The following ADAM12 variants were observed in gnomAD, a reference collection of about 807,000 sequenced individuals.
ADAM12 encodes the protein ADAM metallopeptidase domain 12.
In ADAM12, 70 loss-of-function variants were observed where a neutral mutation model predicts 106.4. The ratio of observed to expected loss-of-function variants is 0.66; its 90% CI spans 0.54 to 0.80. The LOEUF is 0.80. Ranked by LOEUF, ADAM12 falls within the 30% of genes least tolerant of loss-of-function variation. The pLI is 0.00. For synonymous variants in ADAM12, 420 were observed against 433.5 expected (o/e 0.97, Z 0.39); for missense variants, 1,010 against 1,171.9 (o/e 0.86, Z 2.02).
chr10:126,119,045 T>C (rs1027860171), intron 5 of ADAM12, among the ~76,000 whole-genome samples: 4 of 152,226 alleles, frequency 2.6e-5, no homozygotes, highest in African/African-American at 9.7e-5. Flanking sequence ...TACAAATTTA[T>C]ATTTTTTTAT....
chr10:126,051,588 TCCAG>T (rs199619555), intron 14 of ADAM12, among the ~76,000 whole-genome samples: 2,135 of 124,194 alleles, frequency 0.017, 41 homozygotes, highest in Admixed American at 0.023. Flanking sequence ...CATCCATCCA[TCCAG>T]CCAGCCAGCC....
intron 2 of ADAM12, among the ~76,000 whole-genome samples, chr10:126,311,091 A>AC (rs1564724969): frequency 6.3e-5 from 7 of 111,380 alleles, no homozygotes; most frequent in Non-Finnish European, 8.7e-5. Flanking sequence ...ACATACACAC[A>AC]AATACACACA....
At chr10:126,214,929 T>G (rs1957961344) in intron 3 of ADAM12, among the ~76,000 whole-genome samples, 1 of 152,114 alleles carries the variant, frequency 6.6e-6, no homozygotes, top group Non-Finnish European at 1.5e-5. Flanking sequence ...TCCCTTACCC[T>G]CACCTTGGTG....
chr10:126,025,704 G>A (rs1408569266), intron 21 of ADAM12, among the ~76,000 whole-genome samples: 2 of 152,082 alleles, frequency 1.3e-5, no homozygotes, highest in Non-Finnish European at 2.9e-5. Context: ...GAAGATCAAA[G>A]GTAGATAAGC....
At chr10:126,375,122 A>G (rs1455432645) in intron 1 of ADAM12, among the ~76,000 whole-genome samples, 1 of 152,170 alleles carries the variant, frequency 6.6e-6, no homozygotes, top group African/African-American at 2.4e-5. Flanking sequence ...ACTAACATTC[A>G]TGAAAAAGAA....
chr10:126,253,428 A>G (rs889004312), intron 3 of ADAM12, among the ~76,000 whole-genome samples: 3 of 152,218 alleles, frequency 2.0e-5, no homozygotes, highest in African/African-American at 7.2e-5. Flanking sequence ...CTCGCTTATC[A>G]TTCTCTTGTT....
intron 3 of ADAM12, among the ~76,000 whole-genome samples, chr10:126,251,497 GATGGATGGGATGA>G (rs143654881): frequency 1.8e-5 from 1 of 54,188 alleles, no homozygotes; most frequent in South Asian, 5.2e-4. Flanking sequence ...GAATCGATGC[GATGGATGGGATGA>G]ATGGATGGGA....
At chr10:126,252,986 C>G (rs936673762) in intron 3 of ADAM12, among the ~76,000 whole-genome samples, 1 of 152,172 alleles carries the variant, frequency 6.6e-6, no homozygotes, top group Non-Finnish European at 1.5e-5. Flanking sequence ...ATTTTTCAAC[C>G]ATGCTCTGAT....
At chr10:126,119,156 C>A (rs966126503) in intron 5 of ADAM12, among the ~76,000 whole-genome samples, 4 of 152,180 alleles carry the variant, frequency 2.6e-5, no homozygotes, top group Non-Finnish European at 5.9e-5. Context: ...GCCTCTGGAT[C>A]CTGTGTTCAG....
chr10:126,291,006 A>G (rs1237539912), intron 2 of ADAM12, among the ~76,000 whole-genome samples: 1 of 152,256 alleles, frequency 6.6e-6, no homozygotes, highest in East Asian at 1.9e-4. Flanking sequence ...TTATAAAAGC[A>G]CAGAGCATTG....
intron 3 of ADAM12, among the ~76,000 whole-genome samples, chr10:126,239,603 T>C (rs1204194553): frequency 3.9e-5 from 6 of 152,130 alleles, no homozygotes; most frequent in African/African-American, 7.2e-5. Flanking sequence ...TTTATTTAGG[T>C]CGTTATTTCC....
intron 5 of ADAM12, among the ~76,000 whole-genome samples, chr10:126,123,223 A>T (rs113243693): frequency 3.9e-5 from 6 of 152,336 alleles, no homozygotes; most frequent in African/African-American, 1.4e-4. Flanking sequence ...GGTTTCTGAG[A>T]TACATTTTGA....
Position 126,122,036 on chromosome 10 carries a change from C to T in ADAM12, c.417-3812G>A, listed in dbSNP as rs963738843. ...ATAGACAAGGCAGCATCGAGATATCCGGGACAATTAGAAATCCTGTGAGAG... is the reference window on the plus strand; with the variant it reads ...ATAGACAAGGCAGCATCGAGATATCTGGGACAATTAGAAATCCTGTGAGAG... On this transcript the variant is annotated intron_variant, in intron 5 of 22. Coordinates refer to ENST00000448723, the MANE Select transcript of ADAM12 (RefSeq NM_001288973.2). Among the ~76,000 whole-genome samples the T allele has an allele frequency of 1.2e-4, 19 of 152,166 alleles. 1 individual carries two copies. Among genetic ancestry groups the T allele is most frequent in the East Asian group, 9.7e-4 (5 of 5,180 alleles).
At chr10:126,188,152 AG>A (rs1957432964) in intron 3 of ADAM12, among the ~76,000 whole-genome samples, 1 of 152,184 alleles carries the variant, frequency 6.6e-6, no homozygotes, top group Non-Finnish European at 1.5e-5. Flanking sequence ...CTCCCAACTC[AG>A]GTTCCCATGT....
At chr10:126,194,983 G>T (rs544664006) in intron 3 of ADAM12, among the ~76,000 whole-genome samples, 5 of 152,064 alleles carry the variant, frequency 3.3e-5, no homozygotes, top group Non-Finnish European at 7.3e-5. Context: ...AGCTAAGGTC[G>T]CATGATTGTA....
At chr10:126,037,064 A>G (rs1264114785) in intron 20 of ADAM12, among the ~76,000 whole-genome samples, 1 of 152,092 alleles carries the variant, frequency 6.6e-6, no homozygotes. Context: ...GCTTTCTGTC[A>G]CTATCAGTTT....
intron 4 of ADAM12, among the ~76,000 whole-genome samples, chr10:126,151,863 C>T (rs1021782521): frequency 6.6e-6 from 1 of 151,882 alleles, no homozygotes; most frequent in Non-Finnish European, 1.5e-5. Flanking sequence ...TAAAAAATCT[C>T]TGAATAAAAA....
chr10:126,158,374 AGATGCACAGAGCATGGGGAGAG>A (rs1445883469), intron 3 of ADAM12, among the ~76,000 whole-genome samples: 1 of 51,312 alleles, frequency 1.9e-5, no homozygotes, highest in Non-Finnish European at 4.6e-5. Flanking sequence ...GAGCATGGGA[AGATGCACAGAGCATGGGGAGAG>A]GATGCACAGA....
intron 14 of ADAM12, among the ~76,000 whole-genome samples, chr10:126,058,352 G>A (rs1368384993): frequency 6.6e-6 from 1 of 152,248 alleles, no homozygotes; most frequent in Non-Finnish European, 1.5e-5. Context: ...GTCAACTGTG[G>A]TTCTGCAAAC....
Sources: gnomAD v4.1 joint callset for allele counts (sites outside exome capture counted in the v4.1 genomes callset) on GRCh38, gnomAD v4.1.1 for gene constraint, MANE v1.5 for transcripts, NCBI Gene and HGNC (gene_info 2026-07-23, HGNC 2026-07-21) for gene names.